Variants in MTIF2 observed in about 807,000 individuals in gnomAD.
MTIF2 encodes the protein mitochondrial translational initiation factor 2, also known as translation initiation factor IF-2, mitochondrial.
A neutral mutation model predicts 83.5 loss-of-function variants in MTIF2; 71 were observed. The observed-to-expected ratio is 0.85, with a 90% CI of 0.70 to 1.04. The LOEUF (loss-of-function observed/expected upper bound fraction) is 1.04. MTIF2 is among the 50% of genes least tolerant of loss of function. The pLI, the probability that MTIF2 is intolerant of heterozygous loss-of-function variation, is 0.00. For synonymous variants in MTIF2, 319 were observed against 287.1 expected (o/e 1.11, Z -1.12); for missense variants, 957 against 846.5 (o/e 1.13, Z -1.62).
intron 13 of MTIF2, 28 bp downstream of exon 13, chr2:55,242,912 G>GAA: frequency 6.3e-7 from 1 of 1,594,374 alleles, no homozygotes; most frequent in East Asian, 2.3e-5. Context: ...GGGGAACACA[G>GAA]ATTAACAAGA....
chr2:55,243,584 TTTC>T lies in MTIF2; in HGVS notation c.1393_1395del (p.Glu465del). The T allele has an allele frequency of 5.0e-6, 8 of 1,614,086 alleles. No homozygotes were observed. Among genetic ancestry groups the T allele is most frequent in the Non-Finnish European group, 6.8e-6 (8 of 1,179,994 alleles). ...TGTGCTTCTTTGTGTTCCTTTCGCT[TTTC>T]TTCTATTATTTTCAGATCCTCCTGA... On this transcript the variant is annotated inframe_deletion, in exon 12 of 16. Coordinates refer to ENST00000263629, the MANE Select transcript of MTIF2 (RefSeq NM_002453.3).
chr2:55,254,629 G>C lies in MTIF2; in HGVS notation c.503+25C>G, dbSNP rs755286395. 1.5e-5 allele frequency: 23 copies of C among 1,539,224 alleles called. 1 individual carries two copies. The East Asian group carries it at 3.5e-4, about 24-fold the overall frequency. ...AACTATGTAGTCTCCCCCAAACCCT[G>C]CCAGTATATACAGTTAAGTTTTACC... On this transcript the variant is annotated intron_variant, in intron 6 of 15. Coordinates refer to ENST00000263629, the MANE Select transcript of MTIF2 (RefSeq NM_002453.3).
intron 3 of MTIF2, chr2:55,266,490 C>T (rs1053456987): frequency 6.7e-5 from 10 of 148,668 alleles, no homozygotes; most frequent in South Asian, 2.1e-4. Flanking sequence ...CACGCCACTG[C>T]ACTCCAGCCG....
intron 13 of MTIF2, 92 bp from the exon 14 acceptor site, chr2:55,240,267 T>A: frequency 8.2e-7 from 1 of 1,216,354 alleles, no homozygotes; most frequent in Non-Finnish European, 1.1e-6. Context: ...ATCTAAATTG[T>A]TTTATTTTCT....
At chr2:55,245,989 A>G (rs1676669084) in intron 10 of MTIF2, among the ~76,000 whole-genome samples, 1 of 152,202 alleles carries the variant, frequency 6.6e-6, no homozygotes. Flanking sequence ...AAGAATTCAC[A>G]AACCCTAAAA....
chr2:55,266,884 C>T (rs1178150403), intron 3 of MTIF2, among the ~76,000 whole-genome samples: 3 of 150,992 alleles, frequency 2.0e-5, no homozygotes, highest in East Asian at 3.9e-4. Context: ...TTTCTCCAGC[C>T]TTAGCCTCCC....
intron 3 of MTIF2, among the ~76,000 whole-genome samples, chr2:55,264,194 G>A (rs2589092): frequency 0.7 from 105,968 of 152,120 alleles, 38,178 homozygotes; most frequent in Non-Finnish European, 0.79. Context: ...TCTAAAGTGC[G>A]AATTCCAAAT....
Position 55,249,520 on chromosome 2 carries a change from C to T in MTIF2, c.856G>A (p.Ala286Thr), listed in dbSNP as rs756188332. Residue 286 changes from alanine (A) to threonine (T), a missense_variant, in exon 9 of 16, where the codon GCC becomes ACC. Physicochemically the swap from Ala to Thr is moderately conservative, Grantham distance 58. Transcript: ENST00000263629. Reference sequence around the variant, plus strand: ...TCAGCTTTGTCACATTTATTTACGGCAAGGATAATAGGAACTGAAAGAAAT... The same window carrying T: ...TCAGCTTTGTCACATTTATTTACGGTAAGGATAATAGGAACTGAAAGAAAT... ...AKDAQVPIIL[A>T]VNKCDKAEAD... The T allele has an allele frequency of 4.6e-5, 75 of 1,613,720 alleles. No homozygotes were observed. Among genetic ancestry groups the T allele is most frequent in the Non-Finnish European group, 3.9e-5 (46 of 1,179,938 alleles).
At position 55,257,118 on chromosome 2, in the gene MTIF2, TAATGA is replaced by T. The variant is rs1677605980; in HGVS notation, c.332-2298_332-2294del. The stretch of plus-strand genomic sequence containing the variant: ...TGATAAATAAATGTATCTGTGATGA[TAATGA>T]AATAAGTAGTTTTATGTTCCAGACT... On this transcript the variant is annotated intron_variant, in intron 5 of 15. Coordinates refer to ENST00000263629, the MANE Select transcript of MTIF2 (RefSeq NM_002453.3). Among the ~76,000 whole-genome samples, 3 of 152,214 alleles carry T rather than the reference TAATGA, an allele frequency of 2.0e-5. No homozygotes were observed. In the South Asian group the frequency reaches 6.2e-4, roughly 32 times the overall value.
chr2:55,240,981 T>C (rs1429298928), intron 13 of MTIF2, among the ~76,000 whole-genome samples: 3 of 151,842 alleles, frequency 2.0e-5, no homozygotes, highest in East Asian at 1.9e-4. Flanking sequence ...AGTGACTTAA[T>C]TGGTAAAGGT....
intron 5 of MTIF2, among the ~76,000 whole-genome samples, chr2:55,256,242 C>A (rs1465021282): frequency 6.6e-6 from 1 of 151,486 alleles, no homozygotes; most frequent in Non-Finnish European, 1.5e-5. Flanking sequence ...GAATCCACAC[C>A]TAAAATAAAT....
chr2:55,245,786 G>C (rs1676653182), intron 10 of MTIF2, among the ~76,000 whole-genome samples: 1 of 152,096 alleles, frequency 6.6e-6, no homozygotes, highest in African/African-American at 2.4e-5. Flanking sequence ...GTTATGCTAA[G>C]CGAAGAAGCA....
chr2:55,237,840 G>A (rs965596656), intron 14 of MTIF2, among the ~76,000 whole-genome samples: 4 of 151,368 alleles, frequency 2.6e-5, no homozygotes, highest in South Asian at 4.2e-4. Context: ...TAGTAGAGAC[G>A]GGGTTTCACC....
intron 3 of MTIF2, among the ~76,000 whole-genome samples, chr2:55,264,782 C>T (rs1678303717): frequency 6.6e-6 from 1 of 152,040 alleles, no homozygotes; most frequent in African/African-American, 2.4e-5. Context: ...GAGTATTATT[C>T]TTAGAATAAA....
chr2:55,251,848 C>G (rs13017468), intron 8 of MTIF2, among the ~76,000 whole-genome samples: 8,706 of 152,224 alleles, frequency 0.057, 284 homozygotes, highest in African/African-American at 0.075. Context: ...GTCTCGAACT[C>G]CCAATGACCT....
chr2:55,269,011 G>C (rs1175533632), intron 1 of MTIF2, 158 bp downstream of exon 1: 1 of 152,068 alleles, frequency 6.6e-6, no homozygotes, highest in Admixed American at 6.6e-5. Context: ...TGCCTAACGT[G>C]GGCTCACGCA....
At position 55,239,723 on chromosome 2, in the gene MTIF2, T is replaced by A. The variant is rs1676160354; in HGVS notation, c.1870+288A>T. 1.3e-5 allele frequency among the ~76,000 whole-genome samples: 2 copies of A among 152,168 alleles called. 1 individual carries two copies. Among genetic ancestry groups the A allele is most frequent in the South Asian group, 4.1e-4 (2 of 4,830 alleles). On this transcript the variant is annotated intron_variant, in intron 14 of 15. Coordinates refer to ENST00000263629, the MANE Select transcript of MTIF2 (RefSeq NM_002453.3). ...TGACACTGTTAATAATCTTTATGCG[T>A]TCAATAGTAGTGTAATTTGTATTAT...
At chr2:55,236,891 G>T (rs903890122) in intron 15 of MTIF2, 71 bp from the exon 16 acceptor site, 45 of 1,174,442 alleles carry the variant, frequency 3.8e-5, no homozygotes, top group Non-Finnish European at 4.0e-5. Flanking sequence ...ACATTATGTG[G>T]TGTTAACCAG....
At position 55,252,473 on chromosome 2, in the gene MTIF2, G is replaced by GATGCACACAAAGA. The variant is rs778804144; in HGVS notation, c.841+3_841+4insTCTTTGTGTGCAT. On this transcript the variant is annotated splice_donor_region_variant and intron_variant, in intron 8 of 15. Transcript: ENST00000263629. ...GTAGATCCATTAAGTCAGCCACACA[G>GATGCACACAAAGA]TACCCTGTGCATCTTTGGCATGCTG... is the stretch of plus-strand genomic sequence containing the variant. 6.2e-7 allele frequency: 1 copy of GATGCACACAAAGA among 1,613,604 alleles called. No individual in the cohort carries two copies. Among genetic ancestry groups the GATGCACACAAAGA allele is most frequent in the Non-Finnish European group, 8.5e-7 (1 of 1,179,658 alleles).
Sources: gnomAD v4.1 joint callset for allele counts (sites outside exome capture counted in the v4.1 genomes callset) on GRCh38, gnomAD v4.1.1 for gene constraint, MANE v1.5 for transcripts, NCBI Gene and HGNC (gene_info 2026-07-23, HGNC 2026-07-21) for gene names.